Variants in MAPKAP1 observed in about 807,000 individuals in gnomAD.
The protein encoded by MAPKAP1 is target of rapamycin complex 2 subunit MAPKAP1.
MAPKAP1 carries 20 observed loss-of-function variants against 65.7 expected under a neutral mutation model. The observed-to-expected ratio is 0.30, with a 90% CI of 0.21 to 0.44. MAPKAP1 has a LOEUF of 0.44. Among genes scored for constraint, MAPKAP1 ranks in the 20% least tolerant of loss-of-function variants. The pLI is 1.00. For missense variants in MAPKAP1, 423 were observed against 648.0 expected (o/e 0.65, Z 3.77); for synonymous variants, 222 against 244.3 (o/e 0.91, Z 0.85).
At chr9:125,577,285 G>A (rs1279197102) in intron 5 of MAPKAP1, among the ~76,000 whole-genome samples, 1 of 151,260 alleles carries the variant, frequency 6.6e-6, no homozygotes, top group East Asian at 2.0e-4. Flanking sequence ...CCACCCAGCA[G>A]CCGTCCCGTC....
chr9:125,671,112 A>C (rs1417423270), intron 2 of MAPKAP1, among the ~76,000 whole-genome samples: 2 of 152,206 alleles, frequency 1.3e-5, no homozygotes, highest in African/African-American at 2.4e-5. Flanking sequence ...CTCCCACTGA[A>C]ATACATTCAA....
chr9:125,484,396 C>A, intron 9 of MAPKAP1, 47 bp downstream of exon 9: 1 of 1,560,120 alleles, frequency 6.4e-7, no homozygotes, highest in East Asian at 2.3e-5. Flanking sequence ...ATTTCTACAC[C>A]GACTGCTGAC....
chr9:125,624,450 A>C (rs1303482169), intron 4 of MAPKAP1, among the ~76,000 whole-genome samples: 1,539 of 78,174 alleles, frequency 0.02, 84 homozygotes, highest in East Asian at 0.062. Flanking sequence ...GTCAGCCCCC[A>C]CGCCCGGCCA....
At chr9:125,460,810 G>A (rs996765222) in intron 10 of MAPKAP1, among the ~76,000 whole-genome samples, 2 of 152,190 alleles carry the variant, frequency 1.3e-5, no homozygotes, top group Admixed American at 6.5e-5. Context: ...TTTTTGAAGA[G>A]CCACACTTGC....
rs1445811181 is a variant in MAPKAP1, at chr9:125,595,174, T to C, written c.499-9447A>G. ...ATAAATGTGAAAATATTTCTAGAAGTAGATTACTAAGTCAAAGACTATGAA... is the reference window on the plus strand; with the variant it reads ...ATAAATGTGAAAATATTTCTAGAAGCAGATTACTAAGTCAAAGACTATGAA... On this transcript the variant is annotated intron_variant, in intron 4 of 11. Coordinates refer to ENST00000265960, the MANE Select transcript of MAPKAP1 (RefSeq NM_001006617.3). This position sits in a 1 kb window ranked among gnomAD's most constrained non-coding sequence, Gnocchi z 4.0. 2.6e-5 allele frequency among the ~76,000 whole-genome samples: 4 copies of C among 152,196 alleles called. No homozygotes were observed. Among genetic ancestry groups the C allele is most frequent in the Non-Finnish European group, 5.9e-5 (4 of 68,036 alleles).
intron 7 of MAPKAP1, among the ~76,000 whole-genome samples, chr9:125,514,095 A>G (rs1589249768): frequency 1.3e-5 from 2 of 152,218 alleles, no homozygotes; most frequent in East Asian, 3.9e-4. Flanking sequence ...TTCTTCCACA[A>G]TGACCTTCCA....
intron 1 of MAPKAP1, among the ~76,000 whole-genome samples, chr9:125,685,043 C>G (rs556680891): frequency 6.6e-6 from 1 of 152,192 alleles, no homozygotes; most frequent in African/African-American, 2.4e-5. Context: ...CAGCACACTG[C>G]CTGTTAGTAA....
At chr9:125,540,348 T>C (rs1830206227) in intron 7 of MAPKAP1, among the ~76,000 whole-genome samples, 1 of 152,208 alleles carries the variant, frequency 6.6e-6, no homozygotes. Context: ...AGACAAACAG[T>C]TGTGTAGTCA....
In MAPKAP1 at chr9:125,585,669, C is replaced by T. The variant is rs1831760609; in HGVS notation, c.557G>A (p.Ser186Asn). 1.2e-6 allele frequency: 2 copies of T among 1,614,120 alleles called. No individual in the cohort carries two copies. Among genetic ancestry groups the T allele is most frequent in the African/African-American group, 1.3e-5 (1 of 74,934 alleles). ...GGTCATTGGCAGCAGTCTGTCCTGG[C>T]TCGAGTGCAGAGGGAGGTAGACATC... ...KIDVYLPLHS[S>N]QDRLLPMTVV... Residue 186 changes from serine to asparagine, a missense_variant, in exon 5 of 12, where the codon AGC becomes AAC. Physicochemically the swap from Ser to Asn is conservative, Grantham distance 46. Around this residue, in one of 6 missense-constraint regions of MAPKAP1, gnomAD observed 98 missense variants for 200.5 expected, o/e 0.49. Transcript: ENST00000265960.
intron 1 of MAPKAP1, among the ~76,000 whole-genome samples, chr9:125,682,060 C>T (rs1834839121): frequency 6.6e-6 from 1 of 151,336 alleles, no homozygotes; most frequent in Non-Finnish European, 1.5e-5. Flanking sequence ...CTGTGCCCCT[C>T]CCCTATGTTT....
intron 1 of MAPKAP1, among the ~76,000 whole-genome samples, chr9:125,678,242 TA>T (rs1231025719): frequency 1.1e-4 from 16 of 147,682 alleles, no homozygotes; most frequent in Admixed American, 6.0e-4. Context: ...TATTTTATTT[TA>T]TTTTTATTTA....
chr9:125,442,397 C>T (rs1329872018), intron 11 of MAPKAP1, among the ~76,000 whole-genome samples: 3 of 152,150 alleles, frequency 2.0e-5, no homozygotes, highest in Non-Finnish European at 4.4e-5. Context: ...TGCACTTGAT[C>T]TTCCACAGTC....
chr9:125,661,759 A>G (rs1044061477), intron 3 of MAPKAP1, among the ~76,000 whole-genome samples: 1 of 152,206 alleles, frequency 6.6e-6, no homozygotes, highest in South Asian at 2.1e-4. Context: ...AATGTTTTAA[A>G]TAATTATAAA....
At chr9:125,663,859 T>C (rs1162256616) in intron 3 of MAPKAP1, among the ~76,000 whole-genome samples, 1 of 152,088 alleles carries the variant, frequency 6.6e-6, no homozygotes. Flanking sequence ...CTGACGAATA[T>C]AAACAGTTGG....
At chr9:125,673,307 C>T (rs1317805980) in intron 1 of MAPKAP1, among the ~76,000 whole-genome samples, 1 of 152,182 alleles carries the variant, frequency 6.6e-6, no homozygotes, top group African/African-American at 2.4e-5. Context: ...TGGCTCACTG[C>T]AACCTCCACC....
At chr9:125,542,929 T>G (rs1426589944) in intron 7 of MAPKAP1, 130 bp downstream of exon 7, 1 of 792,584 alleles carries the variant, frequency 1.3e-6, no homozygotes, top group South Asian at 1.3e-5. Flanking sequence ...CTTGCATAGA[T>G]CAGCTAACCA....
chr9:125,650,639 A>C (rs903883800), intron 4 of MAPKAP1, among the ~76,000 whole-genome samples: 1 of 152,142 alleles, frequency 6.6e-6, no homozygotes. Flanking sequence ...TACCTCATGG[A>C]ATTTTTAGAA....
chr9:125,689,738 CA>C (rs71374291), intron 1 of MAPKAP1, among the ~76,000 whole-genome samples: 150 of 97,074 alleles, frequency 1.5e-3, no homozygotes, highest in South Asian at 2.4e-3. Flanking sequence ...GACTCCATCT[CA>C]AAAAAAAAAA....
At chr9:125,485,293 C>T (rs1373910768) in intron 8 of MAPKAP1, among the ~76,000 whole-genome samples, 1 of 152,158 alleles carries the variant, frequency 6.6e-6, no homozygotes, top group Non-Finnish European at 1.5e-5. Context: ...GCAGTCCAGC[C>T]GCCACAGGCT....
Sources: gnomAD v4.1 joint callset for allele counts (sites outside exome capture counted in the v4.1 genomes callset) on GRCh38, gnomAD v4.1.1 for gene constraint, gnomAD v4.1.1 regional missense constraint, Gnocchi (gnomAD v3.1) non-coding constraint, MANE v1.5 for transcripts, NCBI Gene and HGNC (gene_info 2026-07-23, HGNC 2026-07-21) for gene names.